BHMT2: variants seen among roughly 807,000 people sequenced by gnomAD.
BHMT2 encodes S-methylmethionine--homocysteine S-methyltransferase BHMT2.
In BHMT2, 28 loss-of-function variants were observed where a neutral mutation model predicts 39.0. That is an observed-to-expected ratio of 0.72 (90% CI 0.53 to 0.98). The LOEUF (loss-of-function observed/expected upper bound fraction) is 0.98, where lower values mean the gene tolerates loss of function less well. Among genes scored for constraint, BHMT2 ranks in the 50% least tolerant of loss-of-function variants. BHMT2 has a pLI of 0.00. For synonymous variants in BHMT2, 145 were observed against 160.6 expected, an observed-to-expected ratio of 0.90 and a Z score of 0.74; for missense variants, 410 against 455.6, an observed-to-expected ratio of 0.90 and a Z score of 0.91.
At chr5:79,086,998 A>G (rs928154713) in intron 7 of BHMT2, among the ~76,000 whole-genome samples, 16 of 125,372 alleles carry the variant, frequency 1.3e-4, no homozygotes, top group African/African-American at 4.8e-4. Flanking sequence ...TTGTGTATGT[A>G]TGTGTGTGTG....
intron 7 of BHMT2, among the ~76,000 whole-genome samples, chr5:79,087,275 C>T (rs1316570896): frequency 6.6e-6 from 1 of 151,644 alleles, no homozygotes; most frequent in African/African-American, 2.4e-5. Context: ...CCAAAGCTTT[C>T]TTCTAGGAGA....
Position 79,080,809 on chromosome 5 carries a change from A to T in BHMT2, c.381A>T (p.Arg127Ser). ...SIYKYQKDEARIKKLFRQQLE... is the reference protein window; with the variant it reads ...SIYKYQKDEASIKKLFRQQLE... ...ACAAATACCAGAAGGATGAAGCTAG[A>T]ATTAAAAAACTTTTTCGACAACAGC... Residue 127 changes from arginine to serine, a missense_variant, in exon 4 of 8, where the codon AGA becomes AGT. By Grantham distance (110) the Arg-to-Ser change is moderately radical (BLOSUM62 -1). Transcript: ENST00000255192. The T allele has an allele frequency of 6.2e-7, 1 of 1,604,806 alleles. No homozygotes were observed. The highest frequency in any genetic ancestry group is 1.1e-5 in the South Asian group (1 of 88,592).
chr5:79,082,457 A>C, intron 4 of BHMT2: 1 of 179,218 alleles, frequency 5.6e-6, no homozygotes, highest in East Asian at 1.6e-4. Flanking sequence ...GATGAATCTA[A>C]AATTTATTAG....
chr5:79,080,726 G>C lies in BHMT2; in HGVS notation c.298G>C (p.Glu100Gln), dbSNP rs1205651368. 6.2e-7 allele frequency: 1 copy of C among 1,600,328 alleles called. No homozygotes were observed. The highest frequency in any genetic ancestry group is 8.5e-7 in the Non-Finnish European group (1 of 1,175,694). ...VNAAACDLAR[E>Q]VAGKGDALVA... Reference sequence around the variant, plus strand: ...TGCTGCTGCCTGTGACCTCGCCAGGGAAGTGGCTGGCAAAGGTGATGCTTT... The same window carrying C: ...TGCTGCTGCCTGTGACCTCGCCAGGCAAGTGGCTGGCAAAGGTGATGCTTT... The change falls in exon 4 of 8, where the codon GAA (glutamate) becomes CAA (glutamine). Residue 100 changes from glutamate (E) to glutamine (Q), a missense_variant. Glu to Gln is a conservative substitution (Grantham distance 29, BLOSUM62 2). Transcript: ENST00000255192.
intron 1 of BHMT2, among the ~76,000 whole-genome samples, chr5:79,074,920 C>G (rs543270007): frequency 6.8e-4 from 103 of 152,292 alleles, no homozygotes; most frequent in Non-Finnish European, 4.9e-4. Context: ...GTTTCCTCAT[C>G]GTTTGAGACA....
chr5:79,085,538 T>G (rs1755876422), intron 7 of BHMT2, among the ~76,000 whole-genome samples: 4 of 152,086 alleles, frequency 2.6e-5, no homozygotes. Flanking sequence ...AAAGTTAGCC[T>G]GGCGTGGTGG....
intron 1 of BHMT2, among the ~76,000 whole-genome samples, chr5:79,076,381 G>A (rs1042726552): frequency 7.9e-5 from 12 of 152,068 alleles, no homozygotes; most frequent in African/African-American, 1.2e-4. Context: ...GAGGTGTGGC[G>A]GGCCAGGGTG....
intron 7 of BHMT2, 95 bp from the exon 8 acceptor site, chr5:79,088,398 G>GTGTGTGTGTT: frequency 1.6e-6 from 1 of 609,764 alleles, no homozygotes. Context: ...GTGTGTGTGT[G>GTGTGTGTGTT]GTTATATACA....
rs1215674464 is a variant in BHMT2, at chr5:79,079,471, A to G, written c.258+11A>G. The stretch of plus-strand genomic sequence containing the variant: ...AATATGGAAAGCAAGGTAAACGGCA[A>G]TGGCTGGGTGTGGGGGAGGGAGTCA... On this transcript the variant is annotated intron_variant, in intron 3 of 7. Transcript: ENST00000255192. 1 of 1,597,104 alleles carries G rather than the reference A, an allele frequency of 6.3e-7. No individual in the cohort carries two copies. Among genetic ancestry groups the G allele is most frequent in the Non-Finnish European group, 8.6e-7 (1 of 1,164,998 alleles).
chr5:79,089,893 G>A lies in BHMT2; in HGVS notation c.*1319G>A, dbSNP rs1256192274. ...TGAGGCATGAGAATTGCTTGAACCT[G>A]GGAGGCAGAGGTTGCAGTGAGCTGA... On this transcript the variant is annotated 3_prime_UTR_variant, in exon 8 of 8. Transcript: ENST00000255192. Among the ~76,000 whole-genome samples, 5 of 152,144 alleles carry A rather than the reference G, an allele frequency of 3.3e-5. No individual in the cohort carries two copies. Among genetic ancestry groups the A allele is most frequent in the Non-Finnish European group, 7.3e-5 (5 of 68,028 alleles).
Position 79,089,830 on chromosome 5 carries a change from A to T in BHMT2, c.*1256A>T, listed in dbSNP as rs1755987579. 6.6e-6 allele frequency among the ~76,000 whole-genome samples: 1 copy of T among 152,096 alleles called. No individual in the cohort carries two copies. The stretch of plus-strand genomic sequence containing the variant: ...AATAAAATACAAAAATTATCCAGGC[A>T]TGGTGGTGCATGCCTGTAATCCCAG... On this transcript the variant is annotated 3_prime_UTR_variant, in exon 8 of 8. Coordinates refer to ENST00000255192, the MANE Select transcript of BHMT2 (RefSeq NM_017614.5).
intron 7 of BHMT2, among the ~76,000 whole-genome samples, chr5:79,087,019 T>TATAC (rs1177799357): frequency 7.2e-6 from 1 of 137,962 alleles, no homozygotes; most frequent in Non-Finnish European, 1.5e-5. Context: ...TGTGTGTATA[T>TATAC]ATATATATAT....
At position 79,082,961 on chromosome 5, in the gene BHMT2, T is replaced by C. The variant is rs1305443773; in HGVS notation, c.598+5T>C. 6.2e-7 allele frequency: 1 copy of C among 1,614,006 alleles called. No homozygotes were observed. The highest frequency in any genetic ancestry group is 8.5e-7 in the Non-Finnish European group (1 of 1,179,986). Reference sequence around the variant, plus strand: ...CTGTGAGGCTGGTGAAGGCAGGTAATTTGGACCCATACCGTGATACACAGC... The same window carrying C: ...CTGTGAGGCTGGTGAAGGCAGGTAACTTGGACCCATACCGTGATACACAGC... On this transcript the variant is annotated splice_donor_5th_base_variant and intron_variant, in intron 5 of 7. Coordinates refer to ENST00000255192, the MANE Select transcript of BHMT2 (RefSeq NM_017614.5).
intron 1 of BHMT2, among the ~76,000 whole-genome samples, chr5:79,075,221 G>T (rs974590420): frequency 6.6e-6 from 1 of 152,132 alleles, no homozygotes; most frequent in South Asian, 2.1e-4. Context: ...CGTAGGGAAT[G>T]GCAAAGCAAT....
chr5:79,071,560 G>C (rs1345294868), intron 1 of BHMT2, among the ~76,000 whole-genome samples: 1 of 152,152 alleles, frequency 6.6e-6, no homozygotes, highest in Non-Finnish European at 1.5e-5. Flanking sequence ...TAATTTACAG[G>C]GTTCCTTATT....
chr5:79,073,512 A>G (rs1755618936), intron 1 of BHMT2, among the ~76,000 whole-genome samples: 1 of 152,186 alleles, frequency 6.6e-6, no homozygotes, highest in Non-Finnish European at 1.5e-5. Flanking sequence ...TATACCTGAC[A>G]TGTGGAAGGT....
Position 79,083,693 on chromosome 5 carries a change from G to C in BHMT2, c.847G>C (p.Gly283Arg). ...QKYAREAYNL[G>R]VRYIGGCCGF... is the part of the protein sequence containing the mutation. ...ATACGCCAGAGAGGCCTACAACCTG[G>C]GGGTCAGGTACATTGGCGGGTGCTG... The change falls in exon 7 of 8, where the codon GGG becomes CGG. Residue 283 changes from glycine (G) to arginine (R), a missense_variant. Gly to Arg is a moderately radical substitution (Grantham distance 125). Transcript: ENST00000255192. 6.2e-7 allele frequency: 1 copy of C among 1,614,120 alleles called. No homozygotes were observed. The highest frequency in any genetic ancestry group is 8.5e-7 in the Non-Finnish European group (1 of 1,180,026).
intron 2 of BHMT2, chr5:79,077,963 TCACACACA>T (rs145575498): frequency 6.0e-6 from 1 of 167,552 alleles, no homozygotes; most frequent in Non-Finnish European, 1.3e-5. Context: ...CAACACACTC[TCACACACA>T]CACACACTCT....
chr5:79,077,354 A>T (rs949665413), intron 1 of BHMT2, 126 bp from the exon 2 acceptor site: 12 of 1,255,708 alleles, frequency 9.6e-6, no homozygotes, highest in African/African-American at 1.5e-5. Flanking sequence ...ATATTATTAG[A>T]GCACATGATT....
Sources: allele counts gnomAD v4.1 joint callset (sites outside exome capture counted in the v4.1 genomes callset), GRCh38; gene constraint gnomAD v4.1.1; transcripts MANE v1.5; gene names NCBI Gene and HGNC (gene_info 2026-07-23, HGNC 2026-07-21).